The following TMTC3 variants were observed in gnomAD, a reference collection of about 807,000 sequenced individuals.
The protein encoded by TMTC3 is protein O-mannosyl-transferase TMTC3.
A neutral mutation model predicts 92.2 loss-of-function variants in TMTC3; 52 were observed. That is an observed-to-expected ratio of 0.56 (90% CI 0.45 to 0.71). The LOEUF (loss-of-function observed/expected upper bound fraction) is 0.71, where lower values mean the gene tolerates loss of function less well. TMTC3 is among the 30% of genes least tolerant of loss of function. TMTC3 has a pLI of 0.00. For synonymous variants in TMTC3, 339 were observed against 363.3 expected (o/e 0.93, Z 0.76); for missense variants, 896 against 1,057.1 (o/e 0.85, Z 2.11).
At chr12:88,190,647 T>A (rs368011075) in intron 12 of TMTC3, 25 bp downstream of exon 12, 14 of 1,606,736 alleles carry the variant, frequency 8.7e-6, no homozygotes, top group Non-Finnish European at 1.2e-5. Flanking sequence ...CTTTAAGCTA[T>A]CATTATGGAA....
At position 88,153,583 on chromosome 12, in the gene TMTC3, A is replaced by G. The variant is rs58298677; in HGVS notation, c.408+74A>G. 0.026 allele frequency: 20,847 copies of G among 794,684 alleles called. 1,253 individuals carry two copies. Among genetic ancestry groups the G allele is most frequent in the East Asian group, 0.22 (7,813 of 35,332 alleles). The allele number at this position is 794,684 out of a possible 1,614,324, so 49.2% of individuals were successfully genotyped here. ...TCCTGCACAGTGATTATAATGGTATATATTTTTAAGAAAAAAAAAAATTAA... is the reference window on the plus strand; with the variant it reads ...TCCTGCACAGTGATTATAATGGTATGTATTTTTAAGAAAAAAAAAAATTAA... On this transcript the variant is annotated intron_variant, in intron 3 of 13. Transcript: ENST00000266712.
intron 10 of TMTC3, among the ~76,000 whole-genome samples, chr12:88,181,360 AAGG>A (rs1324260632): frequency 6.6e-6 from 1 of 152,162 alleles, no homozygotes; most frequent in African/African-American, 2.4e-5. Context: ...ACACCTGTTG[AAGG>A]AGGAGACATG....
intron 11 of TMTC3, among the ~76,000 whole-genome samples, chr12:88,189,886 A>G (rs186921972): frequency 6.6e-6 from 1 of 152,256 alleles, no homozygotes; most frequent in Admixed American, 6.5e-5. Context: ...CCAATAACAA[A>G]TACAATTTAA....
intron 7 of TMTC3, among the ~76,000 whole-genome samples, chr12:88,172,161 T>C (rs895890152): frequency 1.1e-4 from 17 of 152,118 alleles, no homozygotes; most frequent in African/African-American, 3.9e-4. Context: ...AATATTTACA[T>C]TTATTAAAGT....
chr12:88,192,690 A>C lies in TMTC3; in HGVS notation c.1793A>C (p.Asp598Ala). The part of the protein sequence containing the change: ...KALELDRNNA[D>A]LWYNLAIVHI... ...CTAGAGCTGGACAGAAATAATGCAGATCTTTGGTACAACTTGGCAATTGTA... is the reference window on the plus strand; with the variant it reads ...CTAGAGCTGGACAGAAATAATGCAGCTCTTTGGTACAACTTGGCAATTGTA... The change falls in exon 13 of 14, where the codon GAT becomes GCT. Residue 598 changes from aspartate to alanine, a missense_variant. Asp to Ala is a moderately radical substitution (Grantham distance 126). Transcript: ENST00000266712. 1.9e-6 allele frequency: 3 copies of C among 1,613,540 alleles called. No individual in the cohort carries two copies. In the African/African-American group the frequency reaches 4.0e-5, roughly 22 times the overall value.
intron 6 of TMTC3, among the ~76,000 whole-genome samples, chr12:88,162,340 A>G (rs752321564): frequency 3.9e-5 from 6 of 152,212 alleles, no homozygotes; most frequent in Middle Eastern, 3.4e-3. Context: ...AAATCTGTAG[A>G]TTTTAATTTT....
chr12:88,172,702 T>C lies in TMTC3; in HGVS notation c.1156T>C (p.Cys386Arg). 1 of 1,602,824 alleles carries C rather than the reference T, an allele frequency of 6.2e-7. No homozygotes were observed. Residue 386 changes from cysteine (C) to arginine (R), a missense_variant, in exon 8 of 14, where the codon TGT (cysteine) becomes CGT (arginine). Cys to Arg is a radical substitution (Grantham distance 180). Coordinates refer to ENST00000266712, the MANE Select transcript of TMTC3 (RefSeq NM_181783.4). ...ATTATATGTTCCCAGCATGGGGTTC[T>C]GTATTTTGGTAGCCCATGGATGGCA... ...RVLYVPSMGF[C>R]ILVAHGWQKI... is the part of the protein sequence containing the mutation.
chr12:88,142,876 GAGAGGAGAGGTT>G (rs2040769598), intron 1 of TMTC3, among the ~76,000 whole-genome samples: 1 of 152,108 alleles, frequency 6.6e-6, no homozygotes, highest in Non-Finnish European at 1.5e-5. Context: ...CAAGGCTCTA[GAGAGGAGAGGTT>G]AGTACTTGTC....
intron 10 of TMTC3, among the ~76,000 whole-genome samples, chr12:88,183,877 C>T (rs528368236): frequency 4.6e-5 from 7 of 152,238 alleles, no homozygotes; most frequent in African/African-American, 1.7e-4. Context: ...TTCTGTTGAG[C>T]TGACAACCAC....
intron 1 of TMTC3, among the ~76,000 whole-genome samples, chr12:88,147,753 A>G (rs1341078360): frequency 6.6e-5 from 10 of 150,854 alleles, no homozygotes; most frequent in African/African-American, 2.5e-4. Context: ...TTTTGTTTCT[A>G]ACAGCATTTT....
chr12:88,164,054 T>G (rs2471524), intron 6 of TMTC3, among the ~76,000 whole-genome samples: 117,267 of 151,404 alleles, frequency 0.77, 50,848 homozygotes, highest in East Asian at 0.96. Context: ...TTAGCCAGCG[T>G]GGTGGTGCAC....
chr12:88,145,687 A>T (rs914802107), intron 1 of TMTC3, among the ~76,000 whole-genome samples: 1 of 152,164 alleles, frequency 6.6e-6, no homozygotes, highest in Non-Finnish European at 1.5e-5. Context: ...AAGAGCAGAG[A>T]GGGAAATAGA....
chr12:88,189,094 A>AT (rs201059192), intron 11 of TMTC3, 148 bp downstream of exon 11: 41,356 of 426,520 alleles, frequency 0.097, 7 homozygotes, highest in South Asian at 0.12. Flanking sequence ...AGCTTACTTA[A>AT]TTTTTTTTTT....
chr12:88,158,787 C>A (rs907817966), intron 4 of TMTC3, among the ~76,000 whole-genome samples: 30 of 152,074 alleles, frequency 2.0e-4, no homozygotes, highest in Admixed American at 1.9e-3. Context: ...CACAGTGGCT[C>A]ACGCCTGTAA....
intron 12 of TMTC3, among the ~76,000 whole-genome samples, chr12:88,191,916 G>C (rs977479524): frequency 1.3e-5 from 2 of 151,396 alleles, no homozygotes; most frequent in African/African-American, 4.9e-5. Flanking sequence ...TGCCATGTTG[G>C]TCAGCTGGTC....
rs2041541590 is a variant in TMTC3 at position 88,198,529 on chromosome 12, T to TTAA, written c.*2882_*2884dup. 2.5e-6 allele frequency: 1 copy of TTAA among 396,712 alleles called. No individual in the cohort carries two copies. The allele number at this position is 396,712 out of a possible 1,614,324, so 24.6% of individuals were successfully genotyped here. A position where few individuals can be genotyped will look rare whatever the true frequency, so the allele number is the denominator to read the frequency against. The stretch of plus-strand genomic sequence containing the variant: ...TTATTAACATTCAGAATTGGGAATA[T>TTAA]TAATTTTTCCAGTGAGTAGTTTTCT... On this transcript the variant is annotated 3_prime_UTR_variant, in exon 14 of 14. Coordinates refer to ENST00000266712, the MANE Select transcript of TMTC3 (RefSeq NM_181783.4).
chr12:88,193,709 C>T (rs745799172), intron 13 of TMTC3, among the ~76,000 whole-genome samples: 3 of 152,038 alleles, frequency 2.0e-5, no homozygotes, highest in Non-Finnish European at 4.4e-5. Context: ...CTTTATCCAT[C>T]GTGCTGCCAA....
At chr12:88,177,939 A>G (rs921668343) in intron 10 of TMTC3, among the ~76,000 whole-genome samples, 2 of 152,234 alleles carry the variant, frequency 1.3e-5, no homozygotes, top group Non-Finnish European at 2.9e-5. Flanking sequence ...GAATTTTGAC[A>G]AAAGTAATGT....
intron 10 of TMTC3, among the ~76,000 whole-genome samples, chr12:88,177,342 G>A (rs911419198): frequency 6.6e-6 from 1 of 151,700 alleles, no homozygotes; most frequent in Non-Finnish European, 1.5e-5. Flanking sequence ...AAAAAAAATA[G>A]TTACATGTTT....
Sources: gnomAD v4.1 joint callset for allele counts (sites outside exome capture counted in the v4.1 genomes callset) on GRCh38, gnomAD v4.1.1 for gene constraint, MANE v1.5 for transcripts, NCBI Gene and HGNC (gene_info 2026-07-23, HGNC 2026-07-21) for gene names.